Variants in SEMA3A observed in about 807,000 individuals in gnomAD.
SEMA3A encodes the protein semaphorin 3A.
In SEMA3A, 29 loss-of-function variants were observed where a neutral mutation model predicts 97.9. That is an observed-to-expected ratio of 0.30 (90% CI 0.22 to 0.40). The LOEUF (loss-of-function observed/expected upper bound fraction) is 0.40, where lower values mean the gene tolerates loss of function less well. Among genes scored for constraint, SEMA3A ranks in the 10% least tolerant of loss-of-function variants. The probability of loss-of-function intolerance (pLI) is 1.00; values close to 1 mark genes in which losing one functional copy is unlikely to be tolerated. For missense variants in SEMA3A, 763 were observed against 951.3 expected, an observed-to-expected ratio of 0.80 and a Z score of 2.60; for synonymous variants, 321 against 323.7, an observed-to-expected ratio of 0.99 and a Z score of 0.09.
chr7:84,225,731 T>C (rs2116345155), intron 3 of SEMA3A, among the ~76,000 whole-genome samples: 1 of 152,168 alleles, frequency 6.6e-6, no homozygotes, highest in South Asian at 2.1e-4. Flanking sequence ...GTGCTCTACC[T>C]TGTGGAGAAG....
intron 3 of SEMA3A, among the ~76,000 whole-genome samples, chr7:84,276,109 T>G (rs968835503): frequency 6.6e-6 from 1 of 152,088 alleles, no homozygotes; most frequent in Non-Finnish European, 1.5e-5. Flanking sequence ...AGCTATATGT[T>G]ACTTGATATT....
At chr7:84,427,754 C>T (rs1236911045) in intron 1 of SEMA3A, among the ~76,000 whole-genome samples, 1 of 150,250 alleles carries the variant, frequency 6.7e-6, no homozygotes, top group African/African-American at 2.5e-5. Flanking sequence ...ATGGTCCATT[C>T]ATACTGAATG....
chr7:84,488,809 A>G (rs1806648701), intron 1 of SEMA3A, among the ~76,000 whole-genome samples: 1 of 152,270 alleles, frequency 6.6e-6, no homozygotes, highest in South Asian at 2.1e-4. Flanking sequence ...CCAACTATTT[A>G]CGCTTTATTT....
At chr7:84,060,090 G>C (rs1793153304) in intron 5 of SEMA3A, among the ~76,000 whole-genome samples, 1 of 152,130 alleles carries the variant, frequency 6.6e-6, no homozygotes, top group Non-Finnish European at 1.5e-5. Flanking sequence ...AAAAAGAAGA[G>C]CTAATTTCAT....
chr7:84,033,678 T>G (rs1396675692), intron 6 of SEMA3A, among the ~76,000 whole-genome samples: 1 of 152,276 alleles, frequency 6.6e-6, no homozygotes, highest in African/African-American at 2.4e-5. Flanking sequence ...AAACCACTTT[T>G]ATGTCGCTTT....
chr7:84,456,206 G>GTGCTTATAAAGAAA (rs1351982440), intron 1 of SEMA3A, among the ~76,000 whole-genome samples: 1 of 151,770 alleles, frequency 6.6e-6, no homozygotes, highest in Non-Finnish European at 1.5e-5. Flanking sequence ...TAAATCCTCT[G>GTGCTTATAAAGAAA]TGCTTATAAA....
At chr7:83,975,604 A>C (rs1157160063) in intron 15 of SEMA3A, among the ~76,000 whole-genome samples, 1 of 152,166 alleles carries the variant, frequency 6.6e-6, no homozygotes, top group Non-Finnish European at 1.5e-5. Context: ...CAATACTCAT[A>C]ATGTTGTATT....
intron 2 of SEMA3A, among the ~76,000 whole-genome samples, chr7:84,366,221 T>C (rs1802844786): frequency 1.3e-5 from 2 of 151,336 alleles, no homozygotes; most frequent in Non-Finnish European, 3.0e-5. Flanking sequence ...CATAGTACAC[T>C]TGCTTCAGAA....
At chr7:84,125,866 G>T (rs959026082) in intron 3 of SEMA3A, among the ~76,000 whole-genome samples, 1 of 152,060 alleles carries the variant, frequency 6.6e-6, no homozygotes, top group Non-Finnish European at 1.5e-5. Flanking sequence ...TGCTTGACTG[G>T]GTTGATTCAG....
intron 1 of SEMA3A, among the ~76,000 whole-genome samples, chr7:84,390,115 C>G (rs1803502554): frequency 6.6e-6 from 1 of 151,988 alleles, no homozygotes. Flanking sequence ...CAAGTATCCT[C>G]TGCATAAAGT....
intron 4 of SEMA3A, among the ~76,000 whole-genome samples, chr7:84,102,729 C>T (rs557853035): frequency 7.9e-5 from 12 of 150,986 alleles, no homozygotes; most frequent in Admixed American, 2.0e-4. Flanking sequence ...TACAGATGCC[C>T]GCCACCACAC....
intron 1 of SEMA3A, among the ~76,000 whole-genome samples, chr7:84,141,603 A>G (rs968235847): frequency 2.6e-5 from 4 of 152,032 alleles, no homozygotes; most frequent in Admixed American, 2.6e-4. Context: ...AGATTATTTC[A>G]TCACCCACGT....
At chr7:84,231,244 G>A (rs1170095980) in intron 3 of SEMA3A, among the ~76,000 whole-genome samples, 1 of 151,918 alleles carries the variant, frequency 6.6e-6, no homozygotes, top group African/African-American at 2.4e-5. Context: ...GTGTGTGCCT[G>A]TTACTTTAAT....
At chr7:84,405,968 C>T (rs1013840731) in intron 1 of SEMA3A, among the ~76,000 whole-genome samples, 1 of 152,098 alleles carries the variant, frequency 6.6e-6, no homozygotes, top group Admixed American at 6.6e-5. Context: ...AATTCACACC[C>T]TAACAACACA....
At chr7:84,142,822 C>T (rs1291059485) in intron 1 of SEMA3A, among the ~76,000 whole-genome samples, 1 of 152,126 alleles carries the variant, frequency 6.6e-6, no homozygotes, top group East Asian at 1.9e-4. Context: ...TACTAGAAAC[C>T]TCTATTTACA....
intron 3 of SEMA3A, among the ~76,000 whole-genome samples, chr7:84,277,163 G>T (rs1800321784): frequency 6.6e-6 from 1 of 151,896 alleles, no homozygotes; most frequent in African/African-American, 2.4e-5. Context: ...AGTCTTTTTT[G>T]AAAATCAGCA....
At chr7:83,980,558 T>C (rs1789349768) in intron 14 of SEMA3A, among the ~76,000 whole-genome samples, 1 of 142,004 alleles carries the variant, frequency 7.0e-6, no homozygotes, top group Non-Finnish European at 1.5e-5. Flanking sequence ...TGAGCCGAGA[T>C]TGTGCCACTG....
At chr7:84,207,809 T>A (rs1387817251) in intron 3 of SEMA3A, among the ~76,000 whole-genome samples, 1 of 151,846 alleles carries the variant, frequency 6.6e-6, no homozygotes, top group African/African-American at 2.4e-5. Context: ...GGGAGGCGGG[T>A]TTCCCTGCAA....
At chr7:84,004,246 T>C (rs1790573600) in intron 11 of SEMA3A, among the ~76,000 whole-genome samples, 1 of 151,922 alleles carries the variant, frequency 6.6e-6, no homozygotes, top group South Asian at 2.1e-4. Context: ...AAAAATAATA[T>C]TACTATTAAA....
Sources: gnomAD v4.1 joint callset for allele counts (sites outside exome capture counted in the v4.1 genomes callset) on GRCh38, gnomAD v4.1.1 for gene constraint, MANE v1.5 for transcripts, NCBI Gene and HGNC (gene_info 2026-07-23, HGNC 2026-07-21) for gene names.